The following TPST2 variants were observed in gnomAD, a reference collection of about 807,000 sequenced individuals.
The protein encoded by TPST2 is tyrosylprotein sulfotransferase 2, also known as protein-tyrosine sulfotransferase 2.
In TPST2, 16 loss-of-function variants were observed where a neutral mutation model predicts 27.8. The ratio of observed to expected loss-of-function variants is 0.58; its 90% CI spans 0.39 to 0.88. TPST2 has a LOEUF of 0.88. Ranked by LOEUF, TPST2 falls within the 40% of genes least tolerant of loss-of-function variation. TPST2 has a pLI of 0.00. For synonymous variants in TPST2, 229 were observed against 231.7 expected (o/e 0.99, Z 0.10); for missense variants, 464 against 543.1 (o/e 0.85, Z 1.45).
At chr22:26,568,887 C>A (rs1186695757) in intron 1 of TPST2, among the ~76,000 whole-genome samples, 146 of 1,470 alleles carry the variant, frequency 0.099, no homozygotes, top group Non-Finnish European at 0.18. Flanking sequence ...TTTTTTGAGA[C>A]GGATCTCGCT....
In TPST2 at chr22:26,583,582, G is replaced by A. The variant is rs1035914917; in HGVS notation, c.-161+6471C>T. On this transcript the variant is annotated intron_variant, in intron 1 of 6. Transcript: ENST00000338754. ...AAAAAAAAAAAAAATTGTGCCATGC[G>A]CGATGGCTCACACCTGTAATCCCAG... is the stretch of plus-strand genomic sequence containing the variant. Among the ~76,000 whole-genome samples the A allele has an allele frequency of 4.7e-5, 7 of 150,236 alleles. No individual in the cohort carries two copies. The South Asian group carries it at 6.4e-4, about 14-fold the overall frequency.
chr22:26,553,060 CAAAAAAAAAAAAAA>C (rs3037016), intron 1 of TPST2, among the ~76,000 whole-genome samples: 1 of 43,172 alleles, frequency 2.3e-5, no homozygotes, highest in Non-Finnish European at 4.0e-5. Flanking sequence ...AACTCCATCT[CAAAAAAAAAAAAAA>C]AAAAAAAAAA....
At chr22:26,553,915 T>C (rs1333314400) in intron 1 of TPST2, among the ~76,000 whole-genome samples, 1 of 152,182 alleles carries the variant, frequency 6.6e-6, no homozygotes, top group East Asian at 1.9e-4. Flanking sequence ...TCATGTTCAG[T>C]ACAGATGCAA....
chr22:26,556,448 G>T (rs1365671339), intron 1 of TPST2, among the ~76,000 whole-genome samples: 1 of 152,174 alleles, frequency 6.6e-6, no homozygotes, highest in African/African-American at 2.4e-5. Context: ...GCTGAAGCAG[G>T]TGAATCACTT....
At chr22:26,555,070 C>T (rs1024900600) in intron 1 of TPST2, 2 of 517,448 alleles carry the variant, frequency 3.9e-6, no homozygotes, top group Non-Finnish European at 7.7e-6. Context: ...GGCAGATTTC[C>T]TGGGGCCTGC....
intron 2 of TPST2, among the ~76,000 whole-genome samples, chr22:26,542,737 T>C (rs1042620313): frequency 6.6e-6 from 1 of 152,106 alleles, no homozygotes; most frequent in African/African-American, 2.4e-5. Flanking sequence ...GCAAAGGGAA[T>C]AGCCAGCGCA....
chr22:26,544,603 C>T lies in TPST2; in HGVS notation c.-89+1G>A. The stretch of plus-strand genomic sequence containing the variant: ...GGGAAGTTCCTTCTAGGTGCACTTA[C>T]CTCCCTTGGGCACTCTCATCTCTGG... On this transcript the variant is annotated splice_donor_variant, in intron 2 of 6. Coordinates refer to ENST00000338754, the MANE Select transcript of TPST2 (RefSeq NM_003595.5). LOFTEE classifies it low-confidence loss of function (5UTR_SPLICE). The T allele has an allele frequency of 1.0e-6, 1 of 985,934 alleles. No individual in the cohort carries two copies. Among genetic ancestry groups the T allele is most frequent in the Middle Eastern group, 5.2e-4 (1 of 1,916 alleles). 61.1% of individuals were successfully genotyped at this position (985,934 alleles called of 1,614,324 possible). A position where few individuals can be genotyped will look rare whatever the true frequency, so the allele number is the denominator to read the frequency against.
intron 4 of TPST2, among the ~76,000 whole-genome samples, chr22:26,534,238 T>A (rs1450116633): frequency 6.6e-6 from 1 of 152,100 alleles, no homozygotes; most frequent in African/African-American, 2.4e-5. Flanking sequence ...GGATCCATTA[T>A]TGGAACACAC....
At chr22:26,560,791 T>C in intron 1 of TPST2, 2 of 1,333,714 alleles carry the variant, frequency 1.5e-6, no homozygotes, top group South Asian at 2.3e-5. Context: ...AAAAAGAAGT[T>C]CAAGGATCCG....
At chr22:26,557,988 A>C (rs1926888755) in intron 1 of TPST2, among the ~76,000 whole-genome samples, 1 of 150,936 alleles carries the variant, frequency 6.6e-6, no homozygotes, top group Admixed American at 6.6e-5. Flanking sequence ...TCAAGACTGC[A>C]GTGAGCTGTG....
At chr22:26,550,768 T>C (rs933982041) in intron 1 of TPST2, 1 of 584,768 alleles carries the variant, frequency 1.7e-6, no homozygotes, top group East Asian at 1.4e-4. Flanking sequence ...TCTGCAGAGC[T>C]GGGGAGACGC....
In TPST2 at chr22:26,541,140, T is replaced by C; in HGVS notation, c.491A>G (p.Lys164Arg). 6.2e-7 allele frequency: 1 copy of C among 1,607,820 alleles called. No individual in the cohort carries two copies. Among genetic ancestry groups the C allele is most frequent in the Non-Finnish European group, 8.5e-7 (1 of 1,175,778 alleles). Residue 164 changes from lysine (K) to arginine (R), a missense_variant, in exon 3 of 7, where the codon AAG becomes AGG. By Grantham distance (26) the Lys-to-Arg change is conservative. Transcript: ENST00000338754. This position sits in a 1 kb window ranked among gnomAD's most constrained non-coding sequence, Gnocchi z 5.9. ...VLCNKDPFTL[K>R]SSVYLSRLFP... ...CAGGCGCGACAGGTAGACCGAGGAC[T>C]TGAGCGTAAATGGGTCCTTGTTGCA...
rs199639951 is a variant in TPST2, at chr22:26,566,551, C to CA, written c.-160-21877dup. Reference sequence around the variant, plus strand: ...TTGGTGACAGAGCAAGACTCTGTCTCAAAAAAAAAGAAAAAGACAAAGAAA... The same window carrying CA: ...TTGGTGACAGAGCAAGACTCTGTCTCAAAAAAAAAAGAAAAAGACAAAGAAA... On this transcript the variant is annotated intron_variant, in intron 1 of 6. Coordinates refer to ENST00000338754, the MANE Select transcript of TPST2 (RefSeq NM_003595.5). Among the ~76,000 whole-genome samples, 281 of 131,274 alleles carry CA rather than the reference C, an allele frequency of 2.1e-3. 3 individuals are homozygous for CA. Among genetic ancestry groups the CA allele is most frequent in the African/African-American group, 7.0e-3 (246 of 35,114 alleles). 86.1% of individuals were successfully genotyped at this position (131,274 alleles called of 152,430 possible).
intron 4 of TPST2, 146 bp from the exon 5 acceptor site, chr22:26,532,891 T>C: frequency 1.4e-6 from 1 of 703,878 alleles, no homozygotes; most frequent in Non-Finnish European, 2.5e-6. Context: ...GCTCCTCTTC[T>C]TCTAGGCATT....
intron 1 of TPST2, chr22:26,555,094 G>A: frequency 1.9e-6 from 1 of 522,046 alleles, no homozygotes; most frequent in Admixed American, 1.9e-5. Context: ...CAAATATTCT[G>A]ATTTGGAAGA....
chr22:26,541,556 T>C lies in TPST2; in HGVS notation c.75A>G (p.Gly25=), dbSNP rs774412530. The C allele has an allele frequency of 1.4e-5, 23 of 1,610,180 alleles. No homozygotes were observed. The highest frequency in any genetic ancestry group is 1.8e-5 in the Non-Finnish European group (21 of 1,178,962). The change falls in exon 3 of 7, where the codon GGA becomes GGG. Residue 25 remains glycine, a synonymous_variant. Coordinates refer to ENST00000338754, the MANE Select transcript of TPST2 (RefSeq NM_003595.5). This position sits in a 1 kb window ranked among gnomAD's most constrained non-coding sequence, Gnocchi z 5.9. ...CCGCCCGGCACTCTAGCACCTGCTG[T>C]CCCAGCTGAACCGCCAGCACCAGGA... ...ALVLVLAVQL[G]QQVLECRAVL...
At chr22:26,587,995 G>A (rs1928408097) in intron 1 of TPST2, among the ~76,000 whole-genome samples, 1 of 149,242 alleles carries the variant, frequency 6.7e-6, no homozygotes, top group Non-Finnish European at 1.5e-5. Context: ...GTTACCTTAC[G>A]ACCCAATCAT....
Position 26,534,423 on chromosome 22 carries a change from G to A in TPST2, c.1042-1678C>T, listed in dbSNP as rs73880122. On this transcript the variant is annotated intron_variant, in intron 4 of 6. Coordinates refer to ENST00000338754, the MANE Select transcript of TPST2 (RefSeq NM_003595.5). ...AAGAAATCTCTTTGGATGAAAATGA[G>A]AGACAGCTTCCATTTTAAATAAACA... Among the ~76,000 whole-genome samples the A allele has an allele frequency of 1.8e-3, 267 of 152,308 alleles. 3 individuals are homozygous for A. Among genetic ancestry groups the A allele is most frequent in the African/African-American group, 6.3e-3 (260 of 41,562 alleles).
chr22:26,533,143 AGT>A (rs1360730218), intron 4 of TPST2, among the ~76,000 whole-genome samples: 1 of 152,184 alleles, frequency 6.6e-6, no homozygotes, highest in Non-Finnish European at 1.5e-5. Context: ...GGCCAGGCGC[AGT>A]GACTCATGCC....
Sources: gnomAD v4.1 joint callset for allele counts (sites outside exome capture counted in the v4.1 genomes callset) on GRCh38, gnomAD v4.1.1 for gene constraint, Gnocchi (gnomAD v3.1) non-coding constraint, MANE v1.5 for transcripts, NCBI Gene and HGNC (gene_info 2026-07-23, HGNC 2026-07-21) for gene names.